Variants in PRH1 observed in about 807,000 individuals in gnomAD.
PRH1 encodes the protein proline rich protein HaeIII subfamily 1.
A neutral mutation model predicts 7.9 loss-of-function variants in PRH1; 7 were observed. The observed-to-expected ratio is 0.89, with a 90% CI of 0.50 to 1.67. PRH1 has a LOEUF of 1.67. PRH1 is among the 40% of genes most tolerant of loss of function. The probability of loss-of-function intolerance (pLI) is 0.00; values close to 1 mark genes in which losing one functional copy is unlikely to be tolerated. For missense variants in PRH1, 109 were observed against 223.6 expected, an observed-to-expected ratio of 0.49 and a Z score of 3.27; for synonymous variants, 45 against 80.8, an observed-to-expected ratio of 0.56 and a Z score of 2.38.
chr12:11,138,077 T>A (rs1332495042), intron 1 of PRH1, among the ~76,000 whole-genome samples: 2 of 152,206 alleles, frequency 1.3e-5, no homozygotes, highest in African/African-American at 4.8e-5. Context: ...TTGCTTTTTT[T>A]ATTTTATTAT....
intron 1 of PRH1, among the ~76,000 whole-genome samples, chr12:11,008,414 T>A (rs929190054): frequency 6.6e-6 from 1 of 152,046 alleles, no homozygotes; most frequent in Non-Finnish European, 1.5e-5. Context: ...GTAACCATCA[T>A]GTAGGGCAAG....
rs200687763 is a variant in PRH1, at chr12:11,061,885, A to G, written n.124-14697T>C. 1.0e-4 allele frequency: 169 copies of G among 1,614,062 alleles called. No individual in the cohort carries two copies. In the African/African-American group the frequency reaches 2.0e-3, roughly 19 times the overall value. On this transcript the variant is annotated intron_variant and non_coding_transcript_variant, in intron 1 of 4. Coordinates refer to the PRH1 transcript ENST00000541977. ...AAAAAGATGACAAACCAAAAATAGC[A>G]AAGGCCCCAATAGTATCACCAGAAC...
At chr12:11,014,369 A>G (rs7310849) in intron 1 of PRH1, among the ~76,000 whole-genome samples, 44,032 of 149,116 alleles carry the variant, frequency 0.3, 8,252 homozygotes, top group East Asian at 0.74. Flanking sequence ...AACTAAGTTC[A>G]ATGCAGCTAA....
At chr12:10,937,244 G>GCGTGTGTA (rs1950303848) in intron 2 of PRH1, among the ~76,000 whole-genome samples, 1 of 151,376 alleles carries the variant, frequency 6.6e-6, no homozygotes, top group Non-Finnish European at 1.5e-5. Context: ...GTGTGTGTGT[G>GCGTGTGTA]TGCGTGCGTG....
upstream of PRH1, among the ~76,000 whole-genome samples, chr12:10,888,392 G>C (rs1949524827): frequency 6.6e-6 from 1 of 152,152 alleles, no homozygotes; most frequent in South Asian, 2.1e-4. Context: ...TCTAGACCTG[G>C]TTTGGCTCAG....
At chr12:11,068,025 T>C (rs1255228189) in intron 1 of PRH1, among the ~76,000 whole-genome samples, 1 of 127,934 alleles carries the variant, frequency 7.8e-6, no homozygotes, top group African/African-American at 2.7e-5. Context: ...TCTGCTTTTT[T>C]AACTTTTTTT....
intron 1 of PRH1, among the ~76,000 whole-genome samples, chr12:11,028,725 T>A (rs1192085795): frequency 2.1e-5 from 3 of 142,880 alleles, no homozygotes; most frequent in African/African-American, 7.5e-5. Flanking sequence ...ACTATTATAA[T>A]AGGTGCCATC....
At chr12:10,938,547 C>T in intron 2 of PRH1, 6 of 1,613,996 alleles carry the variant, frequency 3.7e-6, no homozygotes, top group Non-Finnish European at 5.1e-6. Context: ...GTGCTGGCGT[C>T]TCCGGATATT....
intron 1 of PRH1, among the ~76,000 whole-genome samples, chr12:11,150,246 G>A (rs1194289061): frequency 2.0e-5 from 3 of 151,616 alleles, no homozygotes; most frequent in African/African-American, 4.8e-5. Flanking sequence ...TTCAACCATT[G>A]TGGAAGTCAG....
rs918712019 is a variant in PRH1 at position 11,144,669 on chromosome 12, G to T, written n.40-23489C>A. 4.6e-5 allele frequency among the ~76,000 whole-genome samples: 7 copies of T among 152,292 alleles called. No homozygotes were observed. The South Asian group carries it at 1.5e-3, about 32-fold the overall frequency. On this transcript the variant is annotated intron_variant and non_coding_transcript_variant, in intron 1 of 1. Coordinates refer to the PRH1 transcript ENST00000541175. The stretch of plus-strand genomic sequence containing the variant: ...CAGCTAGAGATTTCTTCTGCCTGGG[G>T]GGTTTTACCCCCTGCTCCTCTGGCC...
chr12:10,996,199 C>T (rs1940223373), intron 1 of PRH1, among the ~76,000 whole-genome samples: 1 of 151,670 alleles, frequency 6.6e-6, no homozygotes, highest in Admixed American at 6.6e-5. Context: ...TGTGGTAGCG[C>T]ATGCCTGGAG....
At chr12:10,976,466 G>T (rs1369503784) in intron 1 of PRH1, among the ~76,000 whole-genome samples, 3 of 152,128 alleles carry the variant, frequency 2.0e-5, no homozygotes, top group Non-Finnish European at 4.4e-5. Flanking sequence ...ACATTGAAAA[G>T]TTAGAAAGAT....
At chr12:11,027,414 A>G (rs1035892337) in intron 1 of PRH1, among the ~76,000 whole-genome samples, 1 of 151,760 alleles carries the variant, frequency 6.6e-6, no homozygotes, top group African/African-American at 2.4e-5. Flanking sequence ...AGGGACCTAC[A>G]GCATAGGTGA....
chr12:11,114,775 T>G (rs1945685177), intron 1 of PRH1, among the ~76,000 whole-genome samples: 1 of 152,206 alleles, frequency 6.6e-6, no homozygotes, highest in African/African-American at 2.4e-5. Context: ...TCATTTGTTT[T>G]GTTTTTGTGC....
intron 2 of PRH1, among the ~76,000 whole-genome samples, chr12:10,896,530 G>A (rs1333757984): frequency 6.6e-6 from 1 of 152,130 alleles, no homozygotes; most frequent in Non-Finnish European, 1.5e-5. Context: ...GGAAGGCCAA[G>A]GCAGGTGGAT....
intron 2 of PRH1, among the ~76,000 whole-genome samples, chr12:10,955,595 G>A (rs923501965): frequency 2.6e-5 from 4 of 151,710 alleles, no homozygotes; most frequent in Non-Finnish European, 5.9e-5. Flanking sequence ...CTGAACTGAA[G>A]GAAATTGTGA....
intron 1 of PRH1, among the ~76,000 whole-genome samples, chr12:10,975,877 C>G (rs2135960318): frequency 6.6e-6 from 1 of 152,214 alleles, no homozygotes; most frequent in South Asian, 2.1e-4. Context: ...CCTAACTATT[C>G]TGAATATATA....
intron 1 of PRH1, among the ~76,000 whole-genome samples, chr12:11,031,881 G>A (rs1289088095): frequency 6.6e-6 from 1 of 152,170 alleles, no homozygotes. Context: ...TAATATAACT[G>A]GGTGTGATTG....
intron 2 of PRH1, chr12:10,939,168 T>C: frequency 5.0e-6 from 8 of 1,598,440 alleles, no homozygotes; most frequent in Non-Finnish European, 6.8e-6. Flanking sequence ...AATTCCACAA[T>C]TAAAACGAAT....
Sources: gnomAD v4.1 joint callset for allele counts (sites outside exome capture counted in the v4.1 genomes callset) on GRCh38, gnomAD v4.1.1 for gene constraint, MANE v1.5 for transcripts, NCBI Gene and HGNC (gene_info 2026-07-23, HGNC 2026-07-21) for gene names.